Variants in ATXN1 observed in about 807,000 individuals in gnomAD.
ATXN1 encodes ataxin-1.
ATXN1 carries 8 observed loss-of-function variants against 56.4 expected under a neutral mutation model. The observed-to-expected ratio is 0.14, with a 90% CI of 0.08 to 0.26. The LOEUF is 0.26. Among genes scored for constraint, ATXN1 ranks in the 10% least tolerant of loss-of-function variants. The pLI, the probability that ATXN1 is intolerant of heterozygous loss-of-function variation, is 1.00. For synonymous variants in ATXN1, 514 were observed against 494.6 expected (o/e 1.04, Z -0.52); for missense variants, 987 against 1,106.5 (o/e 0.89, Z 1.53).
At chr6:16,453,708 C>A (rs1759803757) in intron 6 of ATXN1, among the ~76,000 whole-genome samples, 1 of 152,162 alleles carries the variant, frequency 6.6e-6, no homozygotes. Context: ...GTGCATATGT[C>A]ACTTTTAGGT....
chr6:16,434,890 G>C (rs1581759696), intron 6 of ATXN1, among the ~76,000 whole-genome samples: 3 of 152,192 alleles, frequency 2.0e-5, no homozygotes, highest in Admixed American at 6.5e-5. Flanking sequence ...ACGGGGTGAT[G>C]GGAACAGTTG....
At chr6:16,502,265 C>T (rs748595599) in intron 5 of ATXN1, among the ~76,000 whole-genome samples, 1 of 152,152 alleles carries the variant, frequency 6.6e-6, no homozygotes, top group African/African-American at 2.4e-5. Flanking sequence ...CATCTTCAAC[C>T]ACATTTCAGG....
At chr6:16,400,889 T>G (rs1278296139) in intron 6 of ATXN1, among the ~76,000 whole-genome samples, 1 of 152,170 alleles carries the variant, frequency 6.6e-6, no homozygotes, top group Non-Finnish European at 1.5e-5. Context: ...TCCCACATGC[T>G]GGTCTGAGAA....
intron 3 of ATXN1, chr6:16,615,178 T>C (rs1036362400): frequency 3.4e-4 from 50 of 146,696 alleles, no homozygotes; most frequent in African/African-American, 1.2e-3. Context: ...AAAGGTACCC[T>C]TCCTTTCTCT....
At chr6:16,729,950 AC>A (rs1489212244) in intron 2 of ATXN1, among the ~76,000 whole-genome samples, 1 of 151,744 alleles carries the variant, frequency 6.6e-6, no homozygotes, top group East Asian at 1.9e-4. Flanking sequence ...TGAATGAAAA[AC>A]CTCTCATCTC....
At chr6:16,727,941 T>A (rs1402221296) in intron 2 of ATXN1, among the ~76,000 whole-genome samples, 1 of 152,204 alleles carries the variant, frequency 6.6e-6, no homozygotes, top group Non-Finnish European at 1.5e-5. Context: ...GTTCATTCAT[T>A]CGGGCCATAC....
intron 6 of ATXN1, among the ~76,000 whole-genome samples, chr6:16,390,014 A>G (rs945303550): frequency 6.6e-6 from 1 of 152,232 alleles, no homozygotes; most frequent in Non-Finnish European, 1.5e-5. Flanking sequence ...ATACATACAG[A>G]TTATTAATAG....
chr6:16,530,776 GA>G (rs929991405), intron 4 of ATXN1, among the ~76,000 whole-genome samples: 26 of 152,168 alleles, frequency 1.7e-4, no homozygotes, highest in African/African-American at 5.8e-4. Flanking sequence ...AATAAAAAAA[GA>G]AAACATCCAC....
intron 6 of ATXN1, among the ~76,000 whole-genome samples, chr6:16,438,710 C>G (rs963499012): frequency 2.0e-5 from 3 of 152,054 alleles, no homozygotes; most frequent in Non-Finnish European, 2.9e-5. Context: ...ATAAATCCAG[C>G]CAGGAGGATC....
intron 6 of ATXN1, among the ~76,000 whole-genome samples, chr6:16,385,205 A>G (rs779367315): frequency 5.9e-5 from 9 of 152,328 alleles, no homozygotes; most frequent in Admixed American, 2.0e-4. Context: ...GGGAGGAAGG[A>G]GGTAACGAGT....
intron 3 of ATXN1, among the ~76,000 whole-genome samples, chr6:16,603,397 C>G (rs988122041): frequency 4.1e-4 from 62 of 152,212 alleles, no homozygotes; most frequent in African/African-American, 1.5e-3. Flanking sequence ...CCTTTCCAGG[C>G]TCCATACTCC....
intron 3 of ATXN1, among the ~76,000 whole-genome samples, chr6:16,631,759 A>G (rs147867465): frequency 5.9e-5 from 9 of 152,228 alleles, no homozygotes; most frequent in African/African-American, 2.2e-4. Context: ...ATGGCTAATC[A>G]ATAAGAGTTT....
At chr6:16,489,024 C>T (rs891126813) in intron 5 of ATXN1, among the ~76,000 whole-genome samples, 6 of 152,130 alleles carry the variant, frequency 3.9e-5, no homozygotes, top group African/African-American at 1.4e-4. Flanking sequence ...ATTTCTCCTT[C>T]CCCTGACTGC....
At chr6:16,350,708 T>C (rs1644491921) in intron 6 of ATXN1, among the ~76,000 whole-genome samples, 1 of 152,312 alleles carries the variant, frequency 6.6e-6, no homozygotes, top group South Asian at 2.1e-4. Context: ...TGATATCTGA[T>C]AGTGGTGTCC....
chr6:16,584,049 G>A (rs1469132364), intron 4 of ATXN1, among the ~76,000 whole-genome samples: 1 of 151,304 alleles, frequency 6.6e-6, no homozygotes, highest in African/African-American at 2.4e-5. Flanking sequence ...AAGGGAGAAG[G>A]GTACTATTAT....
chr6:16,753,569 A>C (rs1760791695), intron 1 of ATXN1, among the ~76,000 whole-genome samples: 1 of 152,186 alleles, frequency 6.6e-6, no homozygotes, highest in African/African-American at 2.4e-5. Context: ...ACATACAAAA[A>C]GGTCATCCCT....
At chr6:16,372,797 T>A (rs914342242) in intron 6 of ATXN1, among the ~76,000 whole-genome samples, 3 of 152,168 alleles carry the variant, frequency 2.0e-5, no homozygotes, top group African/African-American at 7.2e-5. Flanking sequence ...ATGTCTATAG[T>A]CCTTGCTACT....
chr6:16,436,790 G>C (rs1448609598), intron 6 of ATXN1, among the ~76,000 whole-genome samples: 2 of 152,164 alleles, frequency 1.3e-5, no homozygotes, highest in Non-Finnish European at 2.9e-5. Context: ...TGAGCTGAGA[G>C]GCACTGGAGG....
At chr6:16,725,832 C>T (rs1759836988) in intron 2 of ATXN1, among the ~76,000 whole-genome samples, 1 of 152,182 alleles carries the variant, frequency 6.6e-6, no homozygotes, top group African/African-American at 2.4e-5. Context: ...AGGGAAAAGA[C>T]TCAATACATA....
Sources: gnomAD v4.1 joint callset for allele counts (sites outside exome capture counted in the v4.1 genomes callset) on GRCh38, gnomAD v4.1.1 for gene constraint, MANE v1.5 for transcripts, NCBI Gene and HGNC (gene_info 2026-07-23, HGNC 2026-07-21) for gene names.